Variants in SPAG16 observed in about 807,000 individuals in gnomAD.
SPAG16 encodes the protein sperm associated antigen 16.
In SPAG16, 86 loss-of-function variants were observed where a neutral mutation model predicts 80.4. The ratio of observed to expected loss-of-function variants is 1.07; its 90% CI spans 0.90 to 1.28. The LOEUF is 1.28. Ranked by LOEUF, SPAG16 falls within the 50% of genes most tolerant of loss-of-function variation. The probability of loss-of-function intolerance (pLI) is 0.00; values close to 1 mark genes in which losing one functional copy is unlikely to be tolerated. For missense variants in SPAG16, 870 were observed against 765.3 expected (o/e 1.14, Z -1.61); for synonymous variants, 294 against 265.9 (o/e 1.11, Z -1.03).
intron 15 of SPAG16, among the ~76,000 whole-genome samples, chr2:214,282,552 C>T (rs1180296439): frequency 2.6e-5 from 4 of 152,094 alleles, no homozygotes; most frequent in Non-Finnish European, 5.9e-5. Flanking sequence ...TTCTTACTAC[C>T]TATTCTAATA....
intron 10 of SPAG16, among the ~76,000 whole-genome samples, chr2:213,614,711 A>G (rs2061540166): frequency 1.3e-5 from 2 of 152,328 alleles, no homozygotes; most frequent in South Asian, 4.1e-4. Context: ...CTTTCAGTTT[A>G]TCTGTGAAAC....
chr2:214,290,741 T>A (rs546651350), intron 15 of SPAG16, among the ~76,000 whole-genome samples: 98 of 152,340 alleles, frequency 6.4e-4, no homozygotes, highest in African/African-American at 2.4e-3. Flanking sequence ...TCTGAGAATA[T>A]GCTTAGTGTG....
At chr2:213,557,783 T>C (rs1286472661) in intron 10 of SPAG16, among the ~76,000 whole-genome samples, 1 of 152,206 alleles carries the variant, frequency 6.6e-6, no homozygotes, top group Non-Finnish European at 1.5e-5. Context: ...ACTTCTTTTT[T>C]CAGATTCAAC....
At chr2:214,015,388 C>T (rs2047536947) in intron 13 of SPAG16, among the ~76,000 whole-genome samples, 1 of 152,064 alleles carries the variant, frequency 6.6e-6, no homozygotes, top group East Asian at 1.9e-4. Context: ...CACTGGAGGT[C>T]AGGAGTTCCA....
At chr2:214,031,528 T>C (rs1485548610) in intron 13 of SPAG16, among the ~76,000 whole-genome samples, 2 of 141,938 alleles carry the variant, frequency 1.4e-5, no homozygotes, top group African/African-American at 2.7e-5. Flanking sequence ...CACACCAGCA[T>C]GGCACATGTA....
intron 10 of SPAG16, among the ~76,000 whole-genome samples, chr2:213,645,963 G>A (rs1001480118): frequency 2.0e-5 from 3 of 152,174 alleles, no homozygotes; most frequent in African/African-American, 7.2e-5. Flanking sequence ...GGCTGGGGCT[G>A]GTTTAAAGGT....
At chr2:214,085,170 A>C (rs975005487) in intron 13 of SPAG16, among the ~76,000 whole-genome samples, 2 of 152,172 alleles carry the variant, frequency 1.3e-5, no homozygotes, top group Admixed American at 1.3e-4. Flanking sequence ...TTTGACTGGA[A>C]TATAAAAGCA....
At chr2:214,187,318 G>A (rs998439163) in intron 15 of SPAG16, among the ~76,000 whole-genome samples, 15 of 151,934 alleles carry the variant, frequency 9.9e-5, no homozygotes, top group African/African-American at 3.6e-4. Context: ...GTGCTTCATA[G>A]GTGAGAGGTA....
intron 15 of SPAG16, among the ~76,000 whole-genome samples, chr2:214,392,900 T>G (rs536849517): frequency 6.6e-6 from 1 of 152,322 alleles, no homozygotes; most frequent in African/African-American, 2.4e-5. Flanking sequence ...TAGAATTACA[T>G]AAGAGTCTAA....
intron 8 of SPAG16, among the ~76,000 whole-genome samples, chr2:213,374,755 GGATA>G (rs1172526999): frequency 1.3e-5 from 2 of 151,942 alleles, no homozygotes; most frequent in Non-Finnish European, 2.9e-5. Flanking sequence ...ACAGGAATTT[GGATA>G]TGTCATAACT....
At chr2:213,698,771 G>C (rs114124903) in intron 10 of SPAG16, among the ~76,000 whole-genome samples, 1 of 152,100 alleles carries the variant, frequency 6.6e-6, no homozygotes, top group Non-Finnish European at 1.5e-5. Context: ...ACTCATGTCC[G>C]ACTGCAGTGA....
intron 11 of SPAG16, among the ~76,000 whole-genome samples, chr2:213,893,262 A>G (rs952486944): frequency 6.6e-6 from 1 of 152,192 alleles, no homozygotes; most frequent in African/African-American, 2.4e-5. Context: ...CAGACAAACA[A>G]GAGCTTAAAA....
intron 15 of SPAG16, among the ~76,000 whole-genome samples, chr2:214,332,788 T>G (rs1381065873): frequency 6.6e-6 from 1 of 152,082 alleles, no homozygotes. Flanking sequence ...CACATTTGAT[T>G]TTTCCCATTA....
At chr2:214,026,992 A>G (rs2048164383) in intron 13 of SPAG16, among the ~76,000 whole-genome samples, 1 of 151,614 alleles carries the variant, frequency 6.6e-6, no homozygotes, top group Non-Finnish European at 1.5e-5. Context: ...GACTTTGTAT[A>G]TCTAAAGTTT....
At chr2:213,944,022 C>T (rs1209370179) in intron 12 of SPAG16, among the ~76,000 whole-genome samples, 1 of 152,086 alleles carries the variant, frequency 6.6e-6, no homozygotes, top group Non-Finnish European at 1.5e-5. Context: ...GAAGAATGAC[C>T]CTCAAGTCAT....
chr2:214,340,133 G>A (rs62196844), intron 15 of SPAG16, among the ~76,000 whole-genome samples: 8,691 of 152,284 alleles, frequency 0.057, 380 homozygotes, highest in Non-Finnish European at 0.08. Context: ...GAACGCAAGA[G>A]AGTAAGAGAC....
intron 9 of SPAG16, among the ~76,000 whole-genome samples, chr2:213,395,058 A>T (rs1250973805): frequency 3.3e-5 from 5 of 152,076 alleles, no homozygotes; most frequent in African/African-American, 1.2e-4. Flanking sequence ...TAACTGCAAG[A>T]TCTATAGTGA....
At chr2:213,703,301 C>G (rs1173437204) in intron 10 of SPAG16, among the ~76,000 whole-genome samples, 1 of 152,186 alleles carries the variant, frequency 6.6e-6, no homozygotes, top group Admixed American at 6.5e-5. Context: ...TTATTAGGAA[C>G]TTGGCTGTCC....
chr2:213,999,119 A>G (rs1485113737), intron 12 of SPAG16, among the ~76,000 whole-genome samples: 1 of 152,232 alleles, frequency 6.6e-6, no homozygotes, highest in Non-Finnish European at 1.5e-5. Context: ...GGGGAATGTT[A>G]ATCCCCAAGA....
Sources: gnomAD v4.1 joint callset for allele counts (sites outside exome capture counted in the v4.1 genomes callset) on GRCh38, gnomAD v4.1.1 for gene constraint, MANE v1.5 for transcripts, NCBI Gene and HGNC (gene_info 2026-07-23, HGNC 2026-07-21) for gene names.